The following SURF4 variants were observed in gnomAD, a reference collection of about 807,000 sequenced individuals.
SURF4 encodes the protein surfeit 4.
Under a neutral mutation model 30.0 loss-of-function variants are expected in SURF4, and 3 were observed. That is an observed-to-expected ratio of 0.10 (90% confidence interval 0.05 to 0.26). The LOEUF (loss-of-function observed/expected upper bound fraction) is 0.26, where lower values mean the gene tolerates loss of function less well. SURF4 is among the 10% of genes least tolerant of loss of function. SURF4 has a pLI of 1.00. For missense variants in SURF4, 217 were observed against 350.8 expected, an observed-to-expected ratio of 0.62 and a Z score of 3.05; for synonymous variants, 143 against 139.9, an observed-to-expected ratio of 1.02 and a Z score of -0.16.
chr9:133,368,708 A>G (rs2130162520), intron 1 of SURF4, among the ~76,000 whole-genome samples: 3 of 152,242 alleles, frequency 2.0e-5, no homozygotes, highest in Admixed American at 6.5e-5. Flanking sequence ...TAGGTAGCCA[A>G]CATGCACTAT....
Position 133,363,673 on chromosome 9 carries a change from C to G in SURF4, c.630G>C (p.Val210=), listed in dbSNP as rs1588704739. Residue 210 remains valine, a synonymous_variant, in exon 6 of 6, where the codon GTG becomes GTC. Coordinates refer to ENST00000371989, the MANE Select transcript of SURF4 (RefSeq NM_033161.4). This position sits in a 1 kb window ranked among gnomAD's most constrained non-coding sequence, Gnocchi z 4.3. ...AATATACGTTGATGGCAAAGAGCCA[C>G]ACAACAAGAGTCAAAGCAGCCAGCT... ...KTKLAALTLV[V]WLFAINVYFN... is the part of the protein sequence containing the mutation. 6.2e-7 allele frequency: 1 copy of G among 1,614,210 alleles called. No homozygotes were observed. The highest frequency in any genetic ancestry group is 1.7e-5 in the Admixed American group (1 of 60,024).
Position 133,363,724 on chromosome 9 carries a change from A to C in SURF4, c.579T>G (p.Ile193Met). The change falls in exon 6 of 6, where the codon ATT becomes ATG. Residue 193 changes from isoleucine (I) to methionine (M), a missense_variant. Physicochemically the swap from Ile to Met is conservative, Grantham distance 10. Transcript: ENST00000371989. The surrounding 1 kb of genome is among the most constrained non-coding windows in gnomAD (Gnocchi z 4.3). ...VQNIVGTALM[I>M]LVAIGFKTKL... ...TGGTTTTAAAACCAATGGCCACTAA[A>C]ATCATCAGAGCTGTGCCCACGATGT... is the stretch of plus-strand genomic sequence containing the variant. The C allele has an allele frequency of 1.2e-6, 2 of 1,614,222 alleles. No homozygotes were observed. The highest frequency in any genetic ancestry group is 1.7e-6 in the Non-Finnish European group (2 of 1,180,038).
chr9:133,376,182 C>G (rs1837928863), upstream of SURF4: 2 of 1,244,594 alleles, frequency 1.6e-6, no homozygotes, highest in Non-Finnish European at 2.0e-6. Flanking sequence ...GGCCACGCGC[C>G]ATCCCCAGCC....
At chr9:133,366,732 G>A in intron 2 of SURF4, 57 bp from the exon 3 acceptor site, 1 of 1,525,886 alleles carries the variant, frequency 6.6e-7, no homozygotes, top group Non-Finnish European at 9.0e-7. Flanking sequence ...GGGGAGCACT[G>A]TCTTGATACA....
At position 133,363,869 on chromosome 9, in the gene SURF4, A is replaced by AT. The variant is rs2130095173; in HGVS notation, c.544-111dup. The stretch of plus-strand genomic sequence containing the variant: ...CATGAAGTCTCTATCCATCAGGCTG[A>AT]TGTAGCTACTGCTGAGACGGCTGCT... On this transcript the variant is annotated intron_variant, in intron 5 of 5. Coordinates refer to ENST00000371989, the MANE Select transcript of SURF4 (RefSeq NM_033161.4). The surrounding 1 kb of genome is among the most constrained non-coding windows in gnomAD (Gnocchi z 4.3). 2.9e-6 allele frequency: 4 copies of AT among 1,379,440 alleles called. No individual in the cohort carries two copies. The South Asian group carries it at 4.8e-5, about 17-fold the overall frequency. The allele number at this position is 1,379,440 out of a possible 1,614,324, so 85.5% of individuals were successfully genotyped here.
At chr9:133,367,528 G>A (rs2130145172) in intron 1 of SURF4, 83 bp from the exon 2 acceptor site, 2 of 1,593,144 alleles carry the variant, frequency 1.3e-6, no homozygotes, top group African/African-American at 1.3e-5. Context: ...TGGGCGGGGT[G>A]TGTGAGGAAC....
chr9:133,363,565 A>G lies in SURF4; in HGVS notation c.738T>C (p.Ile246=), dbSNP rs2130088341. ...GGGCCACCACCAGGAGCAAGCCCCCAATCACCGACATGGTCTGGAAGAAGT... is the reference window on the plus strand; with the variant it reads ...GGGCCACCACCAGGAGCAAGCCCCCGATCACCGACATGGTCTGGAAGAAGT... ...KYDFFQTMSV[I]GGLLLVVALG... Residue 246 remains isoleucine, a synonymous_variant, in exon 6 of 6, where the codon ATT becomes ATC. Transcript: ENST00000371989. The surrounding 1 kb of genome is among the most constrained non-coding windows in gnomAD (Gnocchi z 4.3). The G allele has an allele frequency of 6.2e-7, 1 of 1,614,204 alleles. No individual in the cohort carries two copies. Among genetic ancestry groups the G allele is most frequent in the Non-Finnish European group, 8.5e-7 (1 of 1,180,048 alleles).
intron 1 of SURF4, chr9:133,375,289 C>T (rs1409692861): frequency 3.0e-6 from 3 of 985,412 alleles, no homozygotes; most frequent in South Asian, 4.7e-5. Flanking sequence ...CCCCTCCTCC[C>T]AGGCTGTGTA....
chr9:133,367,362 C>T lies in SURF4; in HGVS notation c.132G>A (p.Met44Ile). 3 of 1,614,248 alleles carry T rather than the reference C, an allele frequency of 1.9e-6. No homozygotes were observed. Among genetic ancestry groups the T allele is most frequent in the African/African-American group, 1.3e-5 (1 of 75,078 alleles). The change falls in exon 2 of 6, where the codon ATG becomes ATA. Residue 44 changes from methionine (M) to isoleucine (I), a missense_variant. Physicochemically the swap from Met to Ile is conservative, Grantham distance 10 (BLOSUM62 1). Coordinates refer to ENST00000371989, the MANE Select transcript of SURF4 (RefSeq NM_033161.4). ...CGCGCTGCTCGCTCCACTGGAACCACATACGGATGCCGTCCTCCAGGAAGG... is the reference window on the plus strand; with the variant it reads ...CGCGCTGCTCGCTCCACTGGAACCATATACGGATGCCGTCCTCCAGGAAGG... ...ISTFLEDGIR[M>I]WFQWSEQRDY...
At position 133,365,928 on chromosome 9, in the gene SURF4, T is replaced by G. The variant is rs183188017; in HGVS notation, c.356+57A>C. On this transcript the variant is annotated intron_variant, in intron 4 of 5. Coordinates refer to ENST00000371989, the MANE Select transcript of SURF4 (RefSeq NM_033161.4). ...TTTTGGAGCATTTCAGACTTTGGATTTGCAATGCTCAACCTGTAGAAGGAG... is the reference window on the plus strand; with the variant it reads ...TTTTGGAGCATTTCAGACTTTGGATGTGCAATGCTCAACCTGTAGAAGGAG... 10 of 1,555,146 alleles carry G rather than the reference T, an allele frequency of 6.4e-6. No individual in the cohort carries two copies. In the African/African-American group the frequency reaches 1.4e-4, roughly 21 times the overall value.
intron 1 of SURF4, among the ~76,000 whole-genome samples, chr9:133,375,038 G>A (rs995282472): frequency 6.6e-6 from 1 of 152,226 alleles, no homozygotes; most frequent in Non-Finnish European, 1.5e-5. Flanking sequence ...GATTCTTTTA[G>A]AAGTAAAAGG....
upstream of SURF4, chr9:133,376,454 G>T: frequency 6.4e-7 from 1 of 1,563,980 alleles, no homozygotes; most frequent in Non-Finnish European, 8.6e-7. Flanking sequence ...ACGCTCGCCC[G>T]TACGCGGTCG....
chr9:133,367,251 CCACT>C lies in SURF4; in HGVS notation c.235+4_235+7del. 6.2e-7 allele frequency: 1 copy of C among 1,612,932 alleles called. No homozygotes were observed. Among genetic ancestry groups the C allele is most frequent in the Non-Finnish European group, 8.5e-7 (1 of 1,179,068 alleles). On this transcript the variant is annotated splice_donor_5th_base_variant and intron_variant, in intron 2 of 5. Transcript: ENST00000371989. Reference sequence around the variant, plus strand: ...CAGTGAATCCTGACCACCCGCAGAGCCACTCACTCAGCTGTCCCAGCAAGTTGAG... The same window carrying C: ...CAGTGAATCCTGACCACCCGCAGAGCCACTCAGCTGTCCCAGCAAGTTGAG...
intron 1 of SURF4, chr9:133,375,525 G>T: frequency 1.6e-6 from 1 of 635,626 alleles, no homozygotes; most frequent in Non-Finnish European, 2.0e-6. Context: ...GCCCCAGTGA[G>T]AGGAAAAACG....
intron 1 of SURF4, 104 bp downstream of exon 1, chr9:133,375,818 G>A (rs1007268197): frequency 1.8e-6 from 2 of 1,140,176 alleles, no homozygotes; most frequent in Non-Finnish European, 2.2e-6. Flanking sequence ...CAAGGAGTCA[G>A]GGGGCGGCCC....
chr9:133,375,945 T>G lies in SURF4; in HGVS notation c.25A>C (p.Thr9Pro). 8.1e-7 allele frequency: 1 copy of G among 1,233,912 alleles called. No individual in the cohort carries two copies. Among genetic ancestry groups the G allele is most frequent in the Non-Finnish European group, 1.0e-6 (1 of 984,428 alleles). 76.4% of individuals were successfully genotyped at this position (1,233,912 alleles called of 1,614,324 possible). Residue 9 changes from threonine (T) to proline (P), a missense_variant, in exon 1 of 6, where the codon ACG becomes CCG. Coordinates refer to ENST00000371989, the MANE Select transcript of SURF4 (RefSeq NM_033161.4). MGQNDLMGTAEDFADQFLR... is the reference protein window; with the variant it reads MGQNDLMGPAEDFADQFLR... ...ACCTGGTCGGCGAAGTCCTCGGCCG[T>G]GCCCATCAGGTCGTTCTGGCCCATG...
At position 133,366,027 on chromosome 9, in the gene SURF4, G is replaced by A. The variant is rs201817671; in HGVS notation, c.314C>T (p.Thr105Met). ...GTCCCATAAAATGCTGTAGGCAATCGTCTGAGGGGAAAGAAGAGAGAGATA... is the reference window on the plus strand; with the variant it reads ...GTCCCATAAAATGCTGTAGGCAATCATCTGAGGGGAAAGAAGAGAGAGATA... ...FGLFGIIALQ[T>M]IAYSILWDLK... Residue 105 changes from threonine (T) to methionine (M), a missense_variant and splice_region_variant, in exon 4 of 6, where the codon ACG becomes ATG. Transcript: ENST00000371989. 8 of 1,614,030 alleles carry A rather than the reference G, an allele frequency of 5.0e-6. No individual in the cohort carries two copies. The highest frequency in any genetic ancestry group is 2.7e-5 in the African/African-American group (2 of 75,048).
chr9:133,367,613 G>A, intron 1 of SURF4, 168 bp from the exon 2 acceptor site: 1 of 1,480,772 alleles, frequency 6.8e-7, no homozygotes, highest in South Asian at 1.3e-5. Flanking sequence ...CTCAGTGCTT[G>A]CTCCTGAGCG....
At chr9:133,376,692 AG>A (rs2130250575), upstream of SURF4, 324 of 744,846 alleles carry the variant, frequency 4.3e-4, no homozygotes, top group African/African-American at 5.4e-3. Flanking sequence ...TGCAGCTCCT[AG>A]GTTGAACCCG....
Sources: allele counts gnomAD v4.1 joint callset (sites outside exome capture counted in the v4.1 genomes callset), GRCh38; gene constraint gnomAD v4.1.1; non-coding constraint Gnocchi (gnomAD v3.1); transcripts MANE v1.5; gene names NCBI Gene and HGNC (gene_info 2026-07-23, HGNC 2026-07-21).